Variants in CDH12 observed in about 807,000 individuals in gnomAD.
CDH12 encodes cadherin 12.
In CDH12, 41 loss-of-function variants were observed where a neutral mutation model predicts 74.1. That is an observed-to-expected ratio of 0.55 (90% CI 0.43 to 0.72). The LOEUF (loss-of-function observed/expected upper bound fraction) is 0.72, where lower values mean the gene tolerates loss of function less well. CDH12 is among the 30% of genes least tolerant of loss of function. CDH12 has a pLI of 0.00. For synonymous variants in CDH12, 399 were observed against 355.0 expected (o/e 1.12, Z -1.39); for missense variants, 945 against 977.2 (o/e 0.97, Z 0.44).
At chr5:22,691,757 C>T (rs894062410) in intron 1 of CDH12, among the ~76,000 whole-genome samples, 11 of 152,070 alleles carry the variant, frequency 7.2e-5, no homozygotes, top group Non-Finnish European at 1.2e-4. Flanking sequence ...TTTGGCTTAC[C>T]CTATCCCCCA....
At chr5:22,663,309 G>A (rs979007119) in intron 1 of CDH12, among the ~76,000 whole-genome samples, 36 of 152,076 alleles carry the variant, frequency 2.4e-4, no homozygotes, top group African/African-American at 7.7e-4. Flanking sequence ...TCATGCTCCC[G>A]AGGAGGACTA....
intron 4 of CDH12, among the ~76,000 whole-genome samples, chr5:22,111,897 G>A (rs1744836589): frequency 6.6e-6 from 1 of 152,026 alleles, no homozygotes; most frequent in Admixed American, 6.6e-5. Context: ...GACTTTTCGT[G>A]TCTATATTAC....
Position 21,760,714 on chromosome 5 carries a change from A to G in CDH12, c.1516-39T>C, listed in dbSNP as rs772436428. 26 of 1,206,418 alleles carry G rather than the reference A, an allele frequency of 2.2e-5. No individual in the cohort carries two copies. The Admixed American group carries it at 4.1e-4, about 19-fold the overall frequency. 74.7% of individuals were successfully genotyped at this position (1,206,418 alleles called of 1,614,324 possible). ...GAGATTAAAGTCGGTCATCAGTTTCAAAGAGGACTTTACACAGCAGGCTAC... is the reference window on the plus strand; with the variant it reads ...GAGATTAAAGTCGGTCATCAGTTTCGAAGAGGACTTTACACAGCAGGCTAC... On this transcript the variant is annotated intron_variant, in intron 12 of 14. Transcript: ENST00000382254.
At chr5:22,824,808 A>T (rs1749927842) in intron 1 of CDH12, among the ~76,000 whole-genome samples, 1 of 151,866 alleles carries the variant, frequency 6.6e-6, no homozygotes, top group South Asian at 2.1e-4. Flanking sequence ...TAAACAACAT[A>T]ACAACAATAG....
At chr5:22,543,493 G>A (rs1462825551) in intron 1 of CDH12, among the ~76,000 whole-genome samples, 1 of 152,008 alleles carries the variant, frequency 6.6e-6, no homozygotes, top group African/African-American at 2.4e-5. Flanking sequence ...ATTAAACTAT[G>A]ATCTCTTAGC....
At chr5:22,003,483 A>G (rs972821410) in intron 5 of CDH12, among the ~76,000 whole-genome samples, 6 of 152,252 alleles carry the variant, frequency 3.9e-5, no homozygotes, top group Admixed American at 3.9e-4. Flanking sequence ...ATATGAAGAA[A>G]GCCAAAGAGA....
chr5:22,465,714 C>G (rs1240227659), intron 2 of CDH12, among the ~76,000 whole-genome samples: 1 of 152,116 alleles, frequency 6.6e-6, no homozygotes, highest in Admixed American at 6.6e-5. Flanking sequence ...TCTCCCATAA[C>G]TAAATCCTTT....
chr5:22,644,257 T>C (rs1315160090), intron 1 of CDH12, among the ~76,000 whole-genome samples: 1 of 152,070 alleles, frequency 6.6e-6, no homozygotes, highest in Non-Finnish European at 1.5e-5. Flanking sequence ...ACCCTCGCAA[T>C]AACAGTGAGC....
intron 3 of CDH12, among the ~76,000 whole-genome samples, chr5:22,353,675 G>A (rs1740446510): frequency 6.6e-6 from 1 of 152,082 alleles, no homozygotes; most frequent in Admixed American, 6.6e-5. Flanking sequence ...AGACCTATAT[G>A]CAAAAAGAAA....
intron 7 of CDH12, among the ~76,000 whole-genome samples, chr5:21,849,464 T>C (rs890346933): frequency 6.6e-6 from 1 of 151,800 alleles, no homozygotes; most frequent in African/African-American, 2.4e-5. Context: ...ACAAAATAGG[T>C]AATAATATGT....
intron 1 of CDH12, among the ~76,000 whole-genome samples, chr5:22,745,143 A>G (rs553283411): frequency 1.2e-4 from 19 of 152,158 alleles, no homozygotes; most frequent in Non-Finnish European, 2.5e-4. Context: ...TCCCTAAATC[A>G]TAAAGTCAGG....
chr5:22,751,503 G>A (rs935683797), intron 1 of CDH12, among the ~76,000 whole-genome samples: 5 of 151,754 alleles, frequency 3.3e-5, no homozygotes, highest in Non-Finnish European at 5.9e-5. Flanking sequence ...TTCCCTAGAT[G>A]TCACATAAAA....
chr5:22,063,148 G>T (rs1253564454), intron 5 of CDH12, among the ~76,000 whole-genome samples: 3 of 152,068 alleles, frequency 2.0e-5, no homozygotes, highest in African/African-American at 7.2e-5. Flanking sequence ...AATGATTTCT[G>T]CAATGAAAGT....
intron 4 of CDH12, among the ~76,000 whole-genome samples, chr5:22,183,468 G>A (rs1226977924): frequency 6.6e-6 from 1 of 152,112 alleles, no homozygotes; most frequent in South Asian, 2.1e-4. Flanking sequence ...AGAATCAGAA[G>A]TTATAGCACA....
At chr5:22,590,564 A>C (rs559877524) in intron 1 of CDH12, among the ~76,000 whole-genome samples, 2 of 152,294 alleles carry the variant, frequency 1.3e-5, no homozygotes, top group African/African-American at 4.8e-5. Flanking sequence ...TTTTTAAGAA[A>C]TCCAACATAA....
intron 11 of CDH12, among the ~76,000 whole-genome samples, chr5:21,766,854 A>G (rs963842060): frequency 6.6e-6 from 1 of 151,846 alleles, no homozygotes; most frequent in Non-Finnish European, 1.5e-5. Context: ...AGCAACTATG[A>G]TATAGGCATT....
chr5:22,287,647 T>C (rs901194716), intron 3 of CDH12, among the ~76,000 whole-genome samples: 26 of 145,700 alleles, frequency 1.8e-4, no homozygotes, highest in Middle Eastern at 3.6e-3. Flanking sequence ...GGCGTGAACC[T>C]GGGAGGCGGA....
intron 1 of CDH12, among the ~76,000 whole-genome samples, chr5:22,779,668 T>C (rs940190186): frequency 5.3e-5 from 8 of 152,118 alleles, no homozygotes; most frequent in Non-Finnish European, 1.0e-4. Context: ...TGAGATCTGA[T>C]GATTTTGTAA....
intron 1 of CDH12, among the ~76,000 whole-genome samples, chr5:22,555,131 C>T (rs890251766): frequency 1.3e-5 from 2 of 152,022 alleles, no homozygotes; most frequent in African/African-American, 4.8e-5. Context: ...CATTTTCCTT[C>T]CCAACCATCC....
Sources: gnomAD v4.1 joint callset for allele counts (sites outside exome capture counted in the v4.1 genomes callset) on GRCh38, gnomAD v4.1.1 for gene constraint, MANE v1.5 for transcripts, NCBI Gene and HGNC (gene_info 2026-07-23, HGNC 2026-07-21) for gene names.